Variants in GPR158 observed in about 807,000 individuals in gnomAD.
GPR158 encodes the protein G protein-coupled receptor 158, also known as metabotropic glycine receptor.
A neutral mutation model predicts 78.2 loss-of-function variants in GPR158; 30 were observed. That is an observed-to-expected ratio of 0.38 (90% CI 0.29 to 0.52). The LOEUF is 0.52. GPR158 is among the 20% of genes least tolerant of loss of function. The pLI, the probability that GPR158 is intolerant of heterozygous loss-of-function variation, is 0.83. For synonymous variants in GPR158, 581 were observed against 591.1 expected, an observed-to-expected ratio of 0.98 and a Z score of 0.25; for missense variants, 1,463 against 1,523.5, an observed-to-expected ratio of 0.96 and a Z score of 0.66.
chr10:25,278,566 C>T (rs1208315143), intron 2 of GPR158, among the ~76,000 whole-genome samples: 2 of 151,762 alleles, frequency 1.3e-5, no homozygotes, highest in Non-Finnish European at 2.9e-5. Flanking sequence ...AGATAAAGTG[C>T]TGAGTGTATT....
At chr10:25,506,838 A>G (rs773126929) in intron 5 of GPR158, among the ~76,000 whole-genome samples, 10 of 152,246 alleles carry the variant, frequency 6.6e-5, no homozygotes, top group African/African-American at 1.9e-4. Flanking sequence ...CTTTTGCTAC[A>G]TATTGCTTAA....
At chr10:25,345,682 A>C (rs189105514) in intron 2 of GPR158, among the ~76,000 whole-genome samples, 26 of 152,086 alleles carry the variant, frequency 1.7e-4, no homozygotes, top group African/African-American at 6.0e-4. Context: ...CAAAAATTGT[A>C]ATCTGCTGGC....
intron 8 of GPR158, 45 bp from the exon 9 acceptor site, chr10:25,594,247 A>G (rs1389568588): frequency 2.1e-6 from 2 of 949,310 alleles, no homozygotes; most frequent in Admixed American, 1.7e-5. Context: ...TGTTCTAAGT[A>G]GAATCTTAAT....
intron 5 of GPR158, among the ~76,000 whole-genome samples, chr10:25,550,068 C>T (rs1836708730): frequency 6.6e-6 from 1 of 152,292 alleles, no homozygotes; most frequent in African/African-American, 2.4e-5. Context: ...CAAGGACTCA[C>T]TCAAAACTGC....
rs747731934 is a variant in GPR158, at chr10:25,599,073, G to A, written c.3447G>A (p.Glu1149=). ...AAAAAAAGACATCTTCTTCTGAGGA[G>A]AATGTGCGTGGCTCCTATAACTCAA... ...HQEKKTSSSE[E]NVRGSYNSSN... is the part of the protein sequence containing the mutation. Residue 1149 remains glutamate, a synonymous_variant, in exon 11 of 11, where the codon GAG becomes GAA. Coordinates refer to ENST00000376351, the MANE Select transcript of GPR158 (RefSeq NM_020752.3). 2 of 1,613,616 alleles carry A rather than the reference G, an allele frequency of 1.2e-6. No individual in the cohort carries two copies. The highest frequency in any genetic ancestry group is 2.2e-5 in the South Asian group (2 of 91,078).
At chr10:25,485,065 T>A (rs1170625574) in intron 5 of GPR158, among the ~76,000 whole-genome samples, 2 of 152,102 alleles carry the variant, frequency 1.3e-5, no homozygotes, top group East Asian at 3.8e-4. Context: ...GACCTAAGAA[T>A]ATGCGAAATA....
intron 2 of GPR158, among the ~76,000 whole-genome samples, chr10:25,307,337 C>G (rs1462808292): frequency 1.4e-5 from 2 of 146,640 alleles, no homozygotes; most frequent in African/African-American, 5.0e-5. Context: ...CTTTTTCTTT[C>G]AAGTCCCCCA....
chr10:25,255,502 T>C (rs1453144433), intron 2 of GPR158, among the ~76,000 whole-genome samples: 1 of 152,248 alleles, frequency 6.6e-6, no homozygotes, highest in African/African-American at 2.4e-5. Flanking sequence ...GGCTGTGGTC[T>C]TATCAGGAGC....
intron 2 of GPR158, among the ~76,000 whole-genome samples, chr10:25,236,316 T>C (rs755627667): frequency 6.6e-6 from 1 of 151,902 alleles, no homozygotes; most frequent in Admixed American, 6.6e-5. Context: ...CCCTCCTGGC[T>C]AACATGGTGA....
At chr10:25,226,485 T>C (rs928789178) in intron 2 of GPR158, among the ~76,000 whole-genome samples, 3 of 152,244 alleles carry the variant, frequency 2.0e-5, no homozygotes, top group African/African-American at 7.2e-5. Flanking sequence ...AATCTTCTTA[T>C]GATTTGTATT....
chr10:25,226,774 T>C (rs1853378010), intron 2 of GPR158, among the ~76,000 whole-genome samples: 1 of 152,254 alleles, frequency 6.6e-6, no homozygotes, highest in Admixed American at 6.5e-5. Flanking sequence ...ACTGTTGAAT[T>C]AATGGAGATA....
intron 5 of GPR158, among the ~76,000 whole-genome samples, chr10:25,513,106 A>G (rs943896184): frequency 2.0e-5 from 3 of 151,422 alleles, no homozygotes; most frequent in East Asian, 1.9e-4. Flanking sequence ...AATAGGATCA[A>G]TTGGTACCAA....
At chr10:25,410,074 C>G (rs866708853) in intron 3 of GPR158, among the ~76,000 whole-genome samples, 1 of 152,084 alleles carries the variant, frequency 6.6e-6, no homozygotes, top group African/African-American at 2.4e-5. Flanking sequence ...TAGTAAATTG[C>G]ATTTCTTTTA....
intron 5 of GPR158, among the ~76,000 whole-genome samples, chr10:25,509,058 T>A (rs998187274): frequency 1.3e-5 from 2 of 152,194 alleles, no homozygotes; most frequent in African/African-American, 4.8e-5. Flanking sequence ...TTGGCCTAGA[T>A]AATTCTTTGT....
intron 2 of GPR158, among the ~76,000 whole-genome samples, chr10:25,331,298 G>A (rs570855701): frequency 1.3e-5 from 2 of 152,230 alleles, no homozygotes; most frequent in Admixed American, 1.3e-4. Flanking sequence ...GTAGAATACT[G>A]CTTTCATATC....
chr10:25,382,450 A>T (rs1407149584), intron 2 of GPR158, among the ~76,000 whole-genome samples: 1 of 152,196 alleles, frequency 6.6e-6, no homozygotes, highest in South Asian at 2.1e-4. Flanking sequence ...TAACGATGTC[A>T]TAAAATAAAA....
intron 2 of GPR158, among the ~76,000 whole-genome samples, chr10:25,252,798 G>C (rs28838957): frequency 6.2e-4 from 91 of 145,996 alleles, no homozygotes; most frequent in Admixed American, 1.8e-3. Flanking sequence ...AGAGGTGGAG[G>C]CTACAGAGGC....
chr10:25,520,967 G>C (rs571719735), intron 5 of GPR158, among the ~76,000 whole-genome samples: 1 of 152,176 alleles, frequency 6.6e-6, no homozygotes, highest in Non-Finnish European at 1.5e-5. Context: ...CCCCAGCCTC[G>C]CTGGCGCCTT....
intron 2 of GPR158, among the ~76,000 whole-genome samples, chr10:25,229,926 ATTTG>A (rs1048403898): frequency 6.6e-6 from 1 of 152,160 alleles, no homozygotes; most frequent in African/African-American, 2.4e-5. Context: ...TAGGCCCTGG[ATTTG>A]TTTAAGTCTA....
Sources: gnomAD v4.1 joint callset for allele counts (sites outside exome capture counted in the v4.1 genomes callset) on GRCh38, gnomAD v4.1.1 for gene constraint, MANE v1.5 for transcripts, NCBI Gene and HGNC (gene_info 2026-07-23, HGNC 2026-07-21) for gene names.